F13A1: variants seen among roughly 807,000 people sequenced by gnomAD.
F13A1 encodes the protein FSF, A subunit.
A neutral mutation model predicts 80.1 loss-of-function variants in F13A1; 47 were observed. The observed-to-expected ratio is 0.59, with a 90% CI of 0.46 to 0.75. The LOEUF (loss-of-function observed/expected upper bound fraction) is 0.75. F13A1 is among the 30% of genes least tolerant of loss of function. The pLI is 0.00. For missense variants in F13A1, 817 were observed against 930.4 expected (o/e 0.88, Z 1.59); for synonymous variants, 349 against 344.9 (o/e 1.01, Z -0.13).
Position 6,313,984 on chromosome 6 carries a change from C to CACTTTTTTTT in F13A1, c.130+4550_130+4551insAAAAAAAAGT, listed in dbSNP as rs374113663. On this transcript the variant is annotated intron_variant, in intron 2 of 14. Coordinates refer to ENST00000264870, the MANE Select transcript of F13A1 (RefSeq NM_000129.4). ...TCTCCTGTTCTCCATTTTCTCCTTA[C>CACTTTTTTTT]TCTTTTTTTTTTTTGAAACGGAGTC... Among the ~76,000 whole-genome samples, 73 of 139,344 alleles carry CACTTTTTTTT rather than the reference C, an allele frequency of 5.2e-4. 14 individuals are homozygous for CACTTTTTTTT. Among genetic ancestry groups the CACTTTTTTTT allele is most frequent in the Middle Eastern group, 3.7e-3 (1 of 270 alleles). The allele number at this position is 139,344 out of a possible 152,430, so 91.4% of individuals were successfully genotyped here.
intron 14 of F13A1, among the ~76,000 whole-genome samples, chr6:6,150,599 A>T (rs1450796483): frequency 6.6e-6 from 1 of 152,190 alleles, no homozygotes; most frequent in African/African-American, 2.4e-5. Context: ...TATCCCACAG[A>T]TTCCAGAGTG....
At chr6:6,158,072 G>T (rs539871273) in intron 13 of F13A1, among the ~76,000 whole-genome samples, 1 of 152,202 alleles carries the variant, frequency 6.6e-6, no homozygotes, top group African/African-American at 2.4e-5. Flanking sequence ...GCCACGAGGG[G>T]ATGGAGAGTC....
chr6:6,209,705 G>A (rs1220995629), intron 8 of F13A1, among the ~76,000 whole-genome samples: 4 of 152,136 alleles, frequency 2.6e-5, no homozygotes, highest in African/African-American at 7.2e-5. Context: ...CAACACGGAC[G>A]AACCTTGAAC....
intron 8 of F13A1, among the ~76,000 whole-genome samples, chr6:6,204,006 A>ATCTG (rs776800481): frequency 7.9e-5 from 12 of 152,176 alleles, no homozygotes; most frequent in African/African-American, 1.2e-4. Context: ...GTAGTTCAAA[A>ATCTG]TCTGTCTTGG....
In F13A1 at chr6:6,174,705, C is replaced by A. The variant is rs367679357; in HGVS notation, c.1622G>T (p.Arg541Leu). ...GKDFKLSITF[R>L]NNSHNRYTIT... is the part of the protein sequence containing the mutation. ...GGTGTAACGGTTGTGGCTGTTGTTC[C>A]GGAAGGTGATGGAGAGCTTGAAGTC... Residue 541 changes from arginine to leucine, a missense_variant, in exon 12 of 15, where the codon CGG (arginine) becomes CTG (leucine). Transcript: ENST00000264870. 2.5e-6 allele frequency: 4 copies of A among 1,613,980 alleles called. No individual in the cohort carries two copies. Among genetic ancestry groups the A allele is most frequent in the African/African-American group, 1.3e-5 (1 of 74,890 alleles).
At chr6:6,202,818 T>A (rs1336460638) in intron 8 of F13A1, among the ~76,000 whole-genome samples, 1 of 152,220 alleles carries the variant, frequency 6.6e-6, no homozygotes, top group Non-Finnish European at 1.5e-5. Context: ...TTTTTAGAAC[T>A]CCTTTCAAGG....
At chr6:6,299,005 T>C (rs1460867661) in intron 3 of F13A1, among the ~76,000 whole-genome samples, 1 of 147,832 alleles carries the variant, frequency 6.8e-6, no homozygotes, top group Non-Finnish European at 1.5e-5. Context: ...CCTTCACTTA[T>C]GAAGCTTAGT....
At chr6:6,158,581 C>T (rs369705537) in intron 13 of F13A1, among the ~76,000 whole-genome samples, 3 of 152,216 alleles carry the variant, frequency 2.0e-5, no homozygotes, top group African/African-American at 7.2e-5. Flanking sequence ...AGAAGCCCAC[C>T]TCCTGGTTCC....
chr6:6,316,131 A>G (rs1363400835), intron 2 of F13A1, among the ~76,000 whole-genome samples: 26 of 63,134 alleles, frequency 4.1e-4, no homozygotes, highest in African/African-American at 1.8e-3. Context: ...ATATATATAT[A>G]TATATATATA....
At chr6:6,205,631 T>C (rs1761473281) in intron 8 of F13A1, among the ~76,000 whole-genome samples, 1 of 152,214 alleles carries the variant, frequency 6.6e-6, no homozygotes, top group Non-Finnish European at 1.5e-5. Flanking sequence ...TAATAGCAAT[T>C]TTTAGAAAAT....
chr6:6,234,424 T>A (rs1561663461), intron 6 of F13A1, among the ~76,000 whole-genome samples: 1 of 152,054 alleles, frequency 6.6e-6, no homozygotes. Context: ...TTGAAAGTGA[T>A]ATCAAAATAA....
chr6:6,182,170 A>G (rs762366609), intron 10 of F13A1, 29 bp from the exon 11 acceptor site: 2 of 1,613,138 alleles, frequency 1.2e-6, no homozygotes, highest in East Asian at 2.2e-5. Flanking sequence ...AGCATTAGCC[A>G]TCATCACATG....
intron 13 of F13A1, among the ~76,000 whole-genome samples, chr6:6,164,440 C>A (rs773726178): frequency 1.3e-5 from 2 of 151,666 alleles, no homozygotes; most frequent in Admixed American, 1.3e-4. Context: ...CCCTGTGACA[C>A]GTGTTTATCT....
At chr6:6,307,716 T>A (rs777299533) in intron 2 of F13A1, among the ~76,000 whole-genome samples, 2 of 152,234 alleles carry the variant, frequency 1.3e-5, no homozygotes, top group Non-Finnish European at 2.9e-5. Flanking sequence ...TACTATACCC[T>A]GCATGAAACA....
chr6:6,266,926 T>C (rs966547773), intron 3 of F13A1, 117 bp from the exon 4 acceptor site: 42 of 1,438,986 alleles, frequency 2.9e-5, no homozygotes, highest in Non-Finnish European at 4.1e-5. Context: ...ATTCTTGACT[T>C]GAAGAAACAT....
intron 14 of F13A1, among the ~76,000 whole-genome samples, chr6:6,149,340 T>C (rs1202737810): frequency 6.6e-6 from 1 of 152,210 alleles, no homozygotes; most frequent in Non-Finnish European, 1.5e-5. Context: ...ATATGTAGAA[T>C]TACAATGTGT....
intron 8 of F13A1, among the ~76,000 whole-genome samples, chr6:6,201,055 CGACCCGAAGTGTTTAGT>C (rs984245940): frequency 6.6e-6 from 1 of 152,164 alleles, no homozygotes; most frequent in Non-Finnish European, 1.5e-5. Context: ...GCTTCCTATA[CGACCCGAAGTGTTTAGT>C]GACCCCCTGG....
At chr6:6,211,890 C>T (rs552094398) in intron 8 of F13A1, among the ~76,000 whole-genome samples, 2 of 152,256 alleles carry the variant, frequency 1.3e-5, no homozygotes, top group African/African-American at 2.4e-5. Context: ...CAGGGAGTTC[C>T]CTTCCCGAGT....
intron 6 of F13A1, among the ~76,000 whole-genome samples, chr6:6,241,926 A>G (rs779915342): frequency 1.1e-4 from 16 of 152,216 alleles, no homozygotes; most frequent in Non-Finnish European, 1.9e-4. Flanking sequence ...GAAGCTTCCT[A>G]TAAGATGACC....
Sources: allele counts gnomAD v4.1 joint callset (sites outside exome capture counted in the v4.1 genomes callset), GRCh38; gene constraint gnomAD v4.1.1; transcripts MANE v1.5; gene names NCBI Gene and HGNC (gene_info 2026-07-23, HGNC 2026-07-21).